EPHA8: variants seen among roughly 807,000 people sequenced by gnomAD.
EPHA8 encodes the protein ephrin type-A receptor 8.
A neutral mutation model predicts 103.6 loss-of-function variants in EPHA8; 58 were observed. The observed-to-expected ratio is 0.56, with a 90% CI of 0.45 to 0.70. The LOEUF (loss-of-function observed/expected upper bound fraction) is 0.70. Among genes scored for constraint, EPHA8 ranks in the 30% least tolerant of loss-of-function variants. The probability of loss-of-function intolerance (pLI) is 0.00; values close to 1 mark genes in which losing one functional copy is unlikely to be tolerated. For synonymous variants in EPHA8, 559 were observed against 572.5 expected (o/e 0.98, Z 0.34); for missense variants, 1,304 against 1,395.2 (o/e 0.93, Z 1.04).
rs750454732 is a variant in EPHA8, at chr1:22,576,720, C to G, written c.663C>G (p.Ala221=). ...LAAFSEAVTG[A]DSSSLVEVRG... Reference sequence around the variant, plus strand: ...CCTTCTCGGAGGCAGTGACGGGGGCCGACTCGTCCTCACTGGTGGAGGTGA... The same window carrying G: ...CCTTCTCGGAGGCAGTGACGGGGGCGGACTCGTCCTCACTGGTGGAGGTGA... The change falls in exon 3 of 17, where the codon GCC becomes GCG. Residue 221 remains alanine, a synonymous_variant. Transcript: ENST00000166244. This position sits in a 1 kb window ranked among gnomAD's most constrained non-coding sequence, Gnocchi z 4.8. The G allele has an allele frequency of 1.9e-6, 3 of 1,613,812 alleles. No homozygotes were observed. The highest frequency in any genetic ancestry group is 2.5e-6 in the Non-Finnish European group (3 of 1,180,050).
chr1:22,585,052 C>CGTGTGTGTGTGTGCGCGT (rs1553146964), intron 3 of EPHA8, among the ~76,000 whole-genome samples: 2 of 144,370 alleles, frequency 1.4e-5, no homozygotes, highest in Admixed American at 1.4e-4. Flanking sequence ...TGTGTGTGTG[C>CGTGTGTGTGTGTGCGCGT]GCACGCGTGT....
intron 2 of EPHA8, among the ~76,000 whole-genome samples, chr1:22,574,813 G>C (rs1335151211): frequency 6.6e-6 from 1 of 152,160 alleles, no homozygotes; most frequent in Non-Finnish European, 1.5e-5. Flanking sequence ...CCAGAAATGG[G>C]ATTGCTAGAT....
rs754562491 is a variant in EPHA8 at position 22,576,446 on chromosome 1, A to T, written c.389A>T (p.Asp130Val). 1.2e-6 allele frequency: 2 copies of T among 1,614,018 alleles called. No individual in the cohort carries two copies. Among genetic ancestry groups the T allele is most frequent in the East Asian group, 2.2e-5 (1 of 44,870 alleles). ...ETFNLYYLES[D>V]RDLGASTQES... ...TTCAACCTCTACTACCTGGAGTCGG[A>T]CCGCGACCTGGGGGCCAGCACACAA... is the stretch of plus-strand genomic sequence containing the variant. Residue 130 changes from aspartate (D) to valine (V), a missense_variant, in exon 3 of 17, where the codon GAC becomes GTC. By Grantham distance (152) the Asp-to-Val change is radical. Transcript: ENST00000166244. The surrounding 1 kb of genome is among the most constrained non-coding windows in gnomAD (Gnocchi z 4.8).
At chr1:22,596,237 T>C (rs1387989931) in intron 9 of EPHA8, 64 bp downstream of exon 9, 9 of 1,519,852 alleles carry the variant, frequency 5.9e-6, no homozygotes. Flanking sequence ...AGTGCTGGAC[T>C]GGGGGTGGCA....
chr1:22,595,811 G>A (rs997686056), intron 8 of EPHA8, among the ~76,000 whole-genome samples: 4 of 152,234 alleles, frequency 2.6e-5, no homozygotes, highest in Middle Eastern at 3.2e-3. Flanking sequence ...CCCCCACCAA[G>A]GGTGGTTTCA....
Position 22,581,062 on chromosome 1 carries a change from G to A in EPHA8, c.823+4182G>A, listed in dbSNP as rs72875437. ...GGTACAGGGAGTCCCTGCCTCTGGG[G>A]ACTTAGCAATTTCTTATCCTTACAA... On this transcript the variant is annotated intron_variant, in intron 3 of 16. Coordinates refer to ENST00000166244, the MANE Select transcript of EPHA8 (RefSeq NM_020526.5). Among the ~76,000 whole-genome samples the A allele has an allele frequency of 6.6e-3, 1,007 of 152,348 alleles. 11 individuals are homozygous for A. The highest frequency in any genetic ancestry group is 0.023 in the African/African-American group (958 of 41,572).
Position 22,597,604 on chromosome 1 carries a change from G to A in EPHA8, c.1931-72G>A. On this transcript the variant is annotated intron_variant, in intron 10 of 16. Coordinates refer to ENST00000166244, the MANE Select transcript of EPHA8 (RefSeq NM_020526.5). This position sits in a 1 kb window ranked among gnomAD's most constrained non-coding sequence, Gnocchi z 4.6. ...GTCTGGCAAGCCCAGGGGGTCCAAG[G>A]GCCTGGGAGGCTGGGGGAGTCTGAG... 1 of 1,551,178 alleles carries A rather than the reference G, an allele frequency of 6.4e-7. No homozygotes were observed. The highest frequency in any genetic ancestry group is 8.7e-7 in the Non-Finnish European group (1 of 1,147,090).
chr1:22,593,249 G>A (rs943732224), intron 5 of EPHA8, 77 bp from the exon 6 acceptor site: 1 of 1,513,284 alleles, frequency 6.6e-7, no homozygotes, highest in African/African-American at 1.4e-5. Flanking sequence ...GGATCCCCAG[G>A]TGGAACCTGG....
chr1:22,596,418 T>A (rs1401875030), intron 9 of EPHA8, among the ~76,000 whole-genome samples: 2 of 152,198 alleles, frequency 1.3e-5, no homozygotes, highest in Admixed American at 1.3e-4. Context: ...CACACATTTG[T>A]ATGATTTCGG....
intron 2 of EPHA8, among the ~76,000 whole-genome samples, chr1:22,573,990 T>A (rs1640613668): frequency 6.6e-6 from 1 of 152,218 alleles, no homozygotes; most frequent in African/African-American, 2.4e-5. Context: ...GGCATCTTTC[T>A]TTTTTTGAGA....
At chr1:22,600,575 C>T in intron 13 of EPHA8, 86 bp from the exon 14 acceptor site, 1 of 1,541,476 alleles carries the variant, frequency 6.5e-7, no homozygotes. Flanking sequence ...AAACAGGACC[C>T]CAGTGTTTAG....
chr1:22,597,070 G>GA lies in EPHA8; in HGVS notation c.1766-238dup, dbSNP rs201939771. 6.2e-3 allele frequency among the ~76,000 whole-genome samples: 947 copies of GA among 152,174 alleles called. 4 individuals carry two copies. The highest frequency in any genetic ancestry group is 0.023 in the South Asian group (113 of 4,810). On this transcript the variant is annotated intron_variant, in intron 9 of 16. Coordinates refer to ENST00000166244, the MANE Select transcript of EPHA8 (RefSeq NM_020526.5). This position sits in a 1 kb window ranked among gnomAD's most constrained non-coding sequence, Gnocchi z 4.6. ...CTCAAGGACTGTAAAAGTGACCCCA[G>GA]AAAATGACAGACATGCCCAGAACTC...
In EPHA8 at chr1:22,563,947, C is replaced by T. The variant is rs1362850594; in HGVS notation, c.94+218C>T. 6.6e-6 allele frequency among the ~76,000 whole-genome samples: 1 copy of T among 151,866 alleles called. No homozygotes were observed. Among genetic ancestry groups the T allele is most frequent in the Non-Finnish European group, 1.5e-5 (1 of 67,914 alleles). ...GAGCTTGAGGAAGACGGACAGGTAC[C>T]GGGGACTGGGGGACAGTGGGAAAGG... On this transcript the variant is annotated intron_variant, in intron 1 of 16. Coordinates refer to ENST00000166244, the MANE Select transcript of EPHA8 (RefSeq NM_020526.5). This position sits in a 1 kb window ranked among gnomAD's most constrained non-coding sequence, Gnocchi z 4.4.
chr1:22,592,732 G>T (rs1265173816), intron 5 of EPHA8, among the ~76,000 whole-genome samples: 2 of 151,972 alleles, frequency 1.3e-5, no homozygotes, highest in Non-Finnish European at 2.9e-5. Context: ...CCTCTGTTTG[G>T]CTGTGGCGTG....
rs1557576512 is a variant in EPHA8 at position 22,593,557 on chromosome 1, G to A, written c.1474G>A (p.Ala492Thr). The A allele has an allele frequency of 1.2e-6, 2 of 1,612,578 alleles. No individual in the cohort carries two copies. Among genetic ancestry groups the A allele is most frequent in the Non-Finnish European group, 1.7e-6 (2 of 1,179,820 alleles). ...KEMQSYSTLK[A>T]VTTRATVSGL... Reference sequence around the variant, plus strand: ...GATGCAGAGCTACTCCACCCTCAAGGCCGTCACCACCAGAGCCACCGTCTC... The same window carrying A: ...GATGCAGAGCTACTCCACCCTCAAGACCGTCACCACCAGAGCCACCGTCTC... Residue 492 changes from alanine to threonine, a missense_variant, in exon 7 of 17, where the codon GCC becomes ACC. Ala to Thr is a moderately conservative substitution (Grantham distance 58, BLOSUM62 0). Transcript: ENST00000166244.
At chr1:22,574,337 CG>C (rs1640625253) in intron 2 of EPHA8, among the ~76,000 whole-genome samples, 1 of 152,100 alleles carries the variant, frequency 6.6e-6, no homozygotes, top group Non-Finnish European at 1.5e-5. Flanking sequence ...TAAAGTTTAC[CG>C]TCTTAACCCT....
chr1:22,576,772 G>A lies in EPHA8; in HGVS notation c.715G>A (p.Glu239Lys), dbSNP rs201777623. Residue 239 changes from glutamate to lysine, a missense_variant, in exon 3 of 17, where the codon GAG (glutamate) becomes AAG (lysine). Transcript: ENST00000166244. This position sits in a 1 kb window ranked among gnomAD's most constrained non-coding sequence, Gnocchi z 4.8. The part of the protein sequence containing the change: ...VRGQCVRHSE[E>K]RDTPKMYCSA... ...GGGCCAGTGCGTGCGGCACTCAGAG[G>A]AGCGGGACACACCCAAGATGTACTG... 5.6e-6 allele frequency: 9 copies of A among 1,613,702 alleles called. No individual in the cohort carries two copies.
intron 3 of EPHA8, among the ~76,000 whole-genome samples, chr1:22,579,357 GTGTGTA>G (rs1569983263): frequency 6.8e-6 from 1 of 148,126 alleles, no homozygotes; most frequent in African/African-American, 2.6e-5. Flanking sequence ...ATGTATGCGT[GTGTGTA>G]TGTGTGCATG....
chr1:22,586,966 A>G (rs539016061), intron 4 of EPHA8, among the ~76,000 whole-genome samples: 1 of 152,386 alleles, frequency 6.6e-6, no homozygotes, highest in Admixed American at 6.5e-5. Flanking sequence ...TGGGCAAGCC[A>G]GGGTGCTCGC....
Sources: gnomAD v4.1 joint callset for allele counts (sites outside exome capture counted in the v4.1 genomes callset) on GRCh38, gnomAD v4.1.1 for gene constraint, Gnocchi (gnomAD v3.1) non-coding constraint, MANE v1.5 for transcripts, NCBI Gene and HGNC (gene_info 2026-07-23, HGNC 2026-07-21) for gene names.